DNAH6: variants seen among roughly 807,000 people sequenced by gnomAD.
DNAH6 encodes the protein dynein axonemal heavy chain 6.
A neutral mutation model predicts 491.4 loss-of-function variants in DNAH6; 340 were observed. The ratio of observed to expected loss-of-function variants is 0.69; its 90% confidence interval spans 0.63 to 0.76. The LOEUF is 0.76. DNAH6 is among the 30% of genes least tolerant of loss of function. DNAH6 has a pLI of 0.00. For missense variants in DNAH6, 4,443 were observed against 4,972.2 expected (o/e 0.89, Z 3.20); for synonymous variants, 1,603 against 1,686.1 (o/e 0.95, Z 1.21).
intron 60 of DNAH6, among the ~76,000 whole-genome samples, chr2:84,726,593 A>G (rs1024293132): frequency 1.3e-5 from 2 of 152,162 alleles, no homozygotes; most frequent in African/African-American, 4.8e-5. Context: ...ATGAGAACAC[A>G]TGGACACAGG....
chr2:84,707,013 A>G lies in DNAH6; in HGVS notation c.8845A>G (p.Ser2949Gly). Residue 2949 changes from serine to glycine, a missense_variant, in exon 53 of 77, where the codon AGC (serine) becomes GGC (glycine). By Grantham distance (56) the Ser-to-Gly change is moderately conservative. Coordinates refer to ENST00000389394, the MANE Select transcript of DNAH6 (RefSeq NM_001370.2). ...TGACAAAGGTGTAAATGAAAAAGAA[A>G]GCCTGGGTAAGTAACTCATAAAATT... ...EYDKGVNEKE[S>G]LAKTMALTKA... 6.6e-7 allele frequency: 1 copy of G among 1,511,368 alleles called. No homozygotes were observed. Among genetic ancestry groups the G allele is most frequent in the Non-Finnish European group, 8.8e-7 (1 of 1,137,178 alleles). 93.6% of individuals were successfully genotyped at this position (1,511,368 alleles called of 1,614,324 possible).
chr2:84,646,320 C>G (rs149288680), intron 33 of DNAH6, among the ~76,000 whole-genome samples: 36 of 152,190 alleles, frequency 2.4e-4, no homozygotes, highest in African/African-American at 8.7e-4. Context: ...GGGCCTCCCT[C>G]TTCTCTGAGA....
chr2:84,765,891 A>G (rs995982898), intron 64 of DNAH6, among the ~76,000 whole-genome samples: 1 of 152,108 alleles, frequency 6.6e-6, no homozygotes, highest in Non-Finnish European at 1.5e-5. Context: ...ATGCCATGCA[A>G]ATACTAATGA....
At chr2:84,536,667 A>G (rs1677721008) in intron 4 of DNAH6, among the ~76,000 whole-genome samples, 1 of 152,026 alleles carries the variant, frequency 6.6e-6, no homozygotes, top group South Asian at 2.1e-4. Context: ...CTAGTCGAAA[A>G]GGGAGTTTTC....
intron 31 of DNAH6, 42 bp from the exon 32 acceptor site, chr2:84,640,388 C>A: frequency 8.2e-7 from 1 of 1,220,940 alleles, no homozygotes; most frequent in Non-Finnish European, 1.2e-6. Context: ...ACATTGTTAT[C>A]AATACAATAT....
At chr2:84,611,905 CTGGGACTT>C in intron 22 of DNAH6, 51 bp downstream of exon 22, 1 of 1,472,156 alleles carries the variant, frequency 6.8e-7, no homozygotes, top group Non-Finnish European at 9.1e-7. Flanking sequence ...TTTTAGTAGT[CTGGGACTT>C]TAGTCCCAGA....
chr2:84,780,880 C>T (rs1174891576), intron 64 of DNAH6, among the ~76,000 whole-genome samples: 1 of 152,050 alleles, frequency 6.6e-6, no homozygotes, highest in Non-Finnish European at 1.5e-5. Flanking sequence ...AGAGCCAACA[C>T]TTTGCACAGG....
At chr2:84,736,285 C>G (rs1324876225) in intron 62 of DNAH6, among the ~76,000 whole-genome samples, 1 of 152,160 alleles carries the variant, frequency 6.6e-6, no homozygotes, top group African/African-American at 2.4e-5. Flanking sequence ...CATGGTGCCT[C>G]TGGCTTTGTC....
intron 45 of DNAH6, among the ~76,000 whole-genome samples, chr2:84,692,705 A>G (rs1478253071): frequency 2.0e-5 from 3 of 152,150 alleles, no homozygotes; most frequent in Admixed American, 1.3e-4. Flanking sequence ...TCACCTTTAT[A>G]CTAATATCCC....
chr2:84,762,010 C>T (rs1674634289), intron 63 of DNAH6, among the ~76,000 whole-genome samples: 1 of 152,142 alleles, frequency 6.6e-6, no homozygotes, highest in African/African-American at 2.4e-5. Flanking sequence ...GAAGAGGAGA[C>T]ACCTTTTTCT....
At chr2:84,460,339 T>A in the DNAH6 span, among the ~76,000 whole-genome samples, 2 of 152,226 alleles carry the variant, frequency 1.3e-5, no homozygotes, top group Non-Finnish European at 2.9e-5. Context: ...GTTCTTGTGA[T>A]AACTAAATTC....
chr2:84,637,289 A>G lies in DNAH6; in HGVS notation c.4733A>G (p.Tyr1578Cys), dbSNP rs1688975922. Residue 1578 changes from tyrosine to cysteine, a missense_variant, in exon 31 of 77, where the codon TAT becomes TGT. Physicochemically the swap from Tyr to Cys is radical, Grantham distance 194. Around this residue, in one of 3 missense-constraint regions of DNAH6, gnomAD observed 2,977 missense variants for 3,296.6 expected, o/e 0.90. Coordinates refer to ENST00000389394, the MANE Select transcript of DNAH6 (RefSeq NM_001370.2). ...GCCTTCATCACAATGAATCCTGGCT[A>G]TGCAGGGAGAACTGAATTGCCAGAT... ...CAAFITMNPGYAGRTELPDNL... is the reference protein window; with the variant it reads ...CAAFITMNPGCAGRTELPDNL... 6.4e-7 allele frequency: 1 copy of G among 1,551,252 alleles called. No individual in the cohort carries two copies. Among genetic ancestry groups the G allele is most frequent in the Non-Finnish European group, 8.7e-7 (1 of 1,146,768 alleles).
chr2:84,670,812 A>C (rs1692667127), intron 39 of DNAH6, among the ~76,000 whole-genome samples: 1 of 152,210 alleles, frequency 6.6e-6, no homozygotes, highest in South Asian at 2.1e-4. Context: ...GGGTTATCTG[A>C]ATTCAGTGAG....
At chr2:84,553,168 GT>G in intron 10 of DNAH6, 134 bp downstream of exon 10, 4 of 624,730 alleles carry the variant, frequency 6.4e-6, no homozygotes, top group South Asian at 6.2e-5. Context: ...AGAAAGCATT[GT>G]TTTGTCACAG....
At chr2:84,735,263 G>A (rs1699444441) in intron 62 of DNAH6, among the ~76,000 whole-genome samples, 1 of 152,190 alleles carries the variant, frequency 6.6e-6, no homozygotes, top group South Asian at 2.1e-4. Flanking sequence ...TATTCCATGT[G>A]TATATATACC....
intron 4 of DNAH6, among the ~76,000 whole-genome samples, chr2:84,541,585 T>C (rs1385968363): frequency 6.6e-6 from 1 of 152,150 alleles, no homozygotes; most frequent in Non-Finnish European, 1.5e-5. Context: ...TTCTATGTGC[T>C]AAAGGGACAT....
the DNAH6 span, among the ~76,000 whole-genome samples, chr2:84,480,867 G>A: frequency 1.3e-5 from 2 of 152,086 alleles, no homozygotes; most frequent in African/African-American, 4.8e-5. Context: ...AGAGGCTGAG[G>A]CAGGAGAATC....
chr2:84,464,606 T>C, the DNAH6 span, among the ~76,000 whole-genome samples: 1 of 152,238 alleles, frequency 6.6e-6, no homozygotes, highest in Non-Finnish European at 1.5e-5. Flanking sequence ...TTCTTCATGA[T>C]ATGCTAAACA....
the DNAH6 span, among the ~76,000 whole-genome samples, chr2:84,467,703 C>T: frequency 6.6e-6 from 1 of 152,220 alleles, no homozygotes; most frequent in East Asian, 1.9e-4. Flanking sequence ...CTAAACATCC[C>T]TCCTTTTAAA....
Sources: gnomAD v4.1 joint callset for allele counts (sites outside exome capture counted in the v4.1 genomes callset) on GRCh38, gnomAD v4.1.1 for gene constraint, gnomAD v4.1.1 regional missense constraint, MANE v1.5 for transcripts, NCBI Gene and HGNC (gene_info 2026-07-23, HGNC 2026-07-21) for gene names.